LILRB5: variants seen among roughly 807,000 people sequenced by gnomAD.
LILRB5 encodes leukocyte immunoglobulin-like receptor subfamily B member 5.
A neutral mutation model predicts 68.4 loss-of-function variants in LILRB5; 61 were observed. The observed-to-expected ratio is 0.89, with a 90% CI of 0.73 to 1.10. The LOEUF (loss-of-function observed/expected upper bound fraction) is 1.10. LILRB5 is among the 50% of genes least tolerant of loss of function. The probability of loss-of-function intolerance (pLI) is 0.00; values close to 1 mark genes in which losing one functional copy is unlikely to be tolerated. For missense variants in LILRB5, 771 were observed against 751.6 expected (o/e 1.03, Z -0.30); for synonymous variants, 356 against 315.8 (o/e 1.13, Z -1.35).
At chr19:54,256,864 T>G in intron 2 of LILRB5, 91 bp from the exon 3 acceptor site, 1 of 1,608,232 alleles carries the variant, frequency 6.2e-7, no homozygotes. Context: ...TCCCCATCAG[T>G]CAGCCCAGAA....
intron 5 of LILRB5, 53 bp downstream of exon 5, chr19:54,255,233 G>C: frequency 7.1e-7 from 1 of 1,411,188 alleles, no homozygotes; most frequent in Non-Finnish European, 9.5e-7. Context: ...GGATTCCCCC[G>C]GCAGGACCTG....
chr19:54,256,873 A>T, intron 2 of LILRB5, 88 bp downstream of exon 2: 1 of 1,610,742 alleles, frequency 6.2e-7, no homozygotes, highest in South Asian at 1.1e-5. Context: ...GTCAGCCCAG[A>T]ACAGCTATCT....
rs533519614 is a variant in LILRB5, at chr19:54,251,761, G to A, written c.1629+293C>T. On this transcript the variant is annotated intron_variant, in intron 12 of 12. Coordinates refer to ENST00000449561, the MANE Select transcript of LILRB5 (RefSeq NM_001081442.3). Reference sequence around the variant, plus strand: ...TGGTTGAATGAATGAAGGGGAGCCTGGGGGACCGGGTCGGTTCATTTATTC... The same window carrying A: ...TGGTTGAATGAATGAAGGGGAGCCTAGGGGACCGGGTCGGTTCATTTATTC... 3.6e-3 allele frequency: 2,413 copies of A among 664,072 alleles called. 17 individuals carry two copies. The highest frequency in any genetic ancestry group is 0.019 in the African/African-American group (1,092 of 56,098). The allele number at this position is 664,072 out of a possible 1,614,324, so 41.1% of individuals were successfully genotyped here.
intron 4 of LILRB5, 119 bp from the exon 5 acceptor site, chr19:54,255,701 CCCGGGGCCTCCTTCTCA>C: frequency 8.1e-7 from 1 of 1,237,310 alleles, no homozygotes; most frequent in East Asian, 2.6e-5. Context: ...TGTCTCGGAT[CCCGGGGCCTCCTTCTCA>C]CCTGGGTCTG....
chr19:54,253,522 C>T (rs554868522), intron 8 of LILRB5: 19 of 302,334 alleles, frequency 6.3e-5, no homozygotes, highest in South Asian at 1.8e-4. Flanking sequence ...AGCAGGAGGA[C>T]GGTGCCCCTG....
intron 7 of LILRB5, 44 bp from the exon 8 acceptor site, chr19:54,254,112 C>G (rs779725229): frequency 6.4e-7 from 1 of 1,569,618 alleles, no homozygotes; most frequent in South Asian, 1.2e-5. Context: ...GCCCTGCTCC[C>G]CACATCAGCC....
Position 54,252,065 on chromosome 19 carries a change from T to A in LILRB5, c.1618A>T (p.Met540Leu). The change falls in exon 12 of 13, where the codon ATG becomes TTG. Residue 540 changes from methionine to leucine, a missense_variant. By Grantham distance (15) the Met-to-Leu change is conservative. Transcript: ENST00000449561. ...KDTQPKDGVE[M>L]DAPAAASEAP... ...GGGCGGGGCCTCACCGGAGCATCCA[T>A]CTCCACCCCGTCCTTGGGCTGTGTG... 2 of 1,613,932 alleles carry A rather than the reference T, an allele frequency of 1.2e-6. No individual in the cohort carries two copies. The highest frequency in any genetic ancestry group is 1.1e-5 in the South Asian group (1 of 91,066).
chr19:54,252,227 C>T (rs567780038), intron 11 of LILRB5, 121 bp from the exon 12 acceptor site: 3 of 1,449,274 alleles, frequency 2.1e-6, no homozygotes, highest in African/African-American at 1.4e-5. Context: ...TGTGATGTCC[C>T]TGAGGTCCCA....
At position 54,256,065 on chromosome 19, in the gene LILRB5, G is replaced by T. The variant is rs1280318808; in HGVS notation, c.633C>A (p.Asp211Glu). The change falls in exon 4 of 13, where the codon GAC becomes GAA. Residue 211 changes from aspartate (D) to glutamate (E), a missense_variant. By Grantham distance (45) the Asp-to-Glu change is conservative. Coordinates refer to ENST00000449561, the MANE Select transcript of LILRB5 (RefSeq NM_001081442.3). ...CACCTGGGACCAGAATCTCCAGGAGGTCACTGGGGTTCGACCACACCTGAG... is the reference window on the plus strand; with the variant it reads ...CACCTGGGACCAGAATCTCCAGGAGTTCACTGGGGTTCGACCACACCTGAG... Reference protein sequence around the residue: ...KNPQVWSNPSDLLEILVPGVS... With the variant: ...KNPQVWSNPSELLEILVPGVS... 3.9e-6 allele frequency: 6 copies of T among 1,551,810 alleles called. No individual in the cohort carries two copies. In the African/African-American group the frequency reaches 6.9e-5, roughly 18 times the overall value.
In LILRB5 at chr19:54,255,498, T is replaced by G. The variant is rs12975366; in HGVS notation, c.740A>C (p.Asp247Ala). Residue 247 changes from aspartate to alanine, a missense_variant, in exon 5 of 13, where the codon GAT becomes GCT. Coordinates refer to ENST00000449561, the MANE Select transcript of LILRB5 (RefSeq NM_001081442.3). ...CAGAACGAATATGTCATAGCCGACA[T>G]CAGAGCGACACTGCAGGGTCAGGCT... ...GGSLTLQCRSDVGYDIFVLYK... is the reference protein window; with the variant it reads ...GGSLTLQCRSAVGYDIFVLYK... 14 of 1,613,638 alleles carry G rather than the reference T, an allele frequency of 8.7e-6. No homozygotes were observed. Among genetic ancestry groups the G allele is most frequent in the African/African-American group, 1.3e-5 (1 of 74,814 alleles).
At chr19:54,254,451 G>A (rs772206716) in intron 6 of LILRB5, 36 bp from the exon 7 acceptor site, 30 of 1,552,362 alleles carry the variant, frequency 1.9e-5, no homozygotes. Flanking sequence ...GAGGCGCTTT[G>A]GTGCTGAGTG....
In LILRB5 at chr19:54,255,415, G is replaced by C. The variant is rs758397483; in HGVS notation, c.823C>G (p.Leu275Val). 1 of 1,614,130 alleles carries C rather than the reference G, an allele frequency of 6.2e-7. No individual in the cohort carries two copies. Among genetic ancestry groups the C allele is most frequent in the African/African-American group, 1.3e-5 (1 of 75,046 alleles). The change falls in exon 5 of 13, where the codon CTC becomes GTC. Residue 275 changes from leucine (L) to valine (V), a missense_variant. By Grantham distance (32) the Leu-to-Val change is conservative (BLOSUM62 1). Transcript: ENST00000449561. ...CCCAGGGTGAAGTTGGCCTGGGAGA[G>C]CCCAGCCTGGGGCTGCTGGCCAGAG... ...QGSGQQPQAG[L>V]SQANFTLGPV...
intron 6 of LILRB5, 109 bp downstream of exon 6, chr19:54,254,626 C>T (rs775665883): frequency 4.9e-6 from 7 of 1,433,764 alleles, no homozygotes; most frequent in South Asian, 1.2e-5. Context: ...CTGAGCCCCC[C>T]TCAAACCCTC....
At chr19:54,255,098 A>G in intron 5 of LILRB5, 61 bp from the exon 6 acceptor site, 1 of 1,522,386 alleles carries the variant, frequency 6.6e-7, no homozygotes, top group Non-Finnish European at 8.8e-7. Context: ...AGACCTCCCC[A>G]GGCCTCTCTA....
intron 4 of LILRB5, 49 bp from the exon 5 acceptor site, chr19:54,255,631 C>T (rs997991535): frequency 6.4e-7 from 1 of 1,566,052 alleles, no homozygotes; most frequent in South Asian, 1.2e-5. Context: ...CCTCCCCCGC[C>T]CCTTCCTTCT....
intron 8 of LILRB5, 180 bp downstream of exon 8, chr19:54,253,838 C>G (rs2079033680): frequency 6.7e-7 from 1 of 1,495,010 alleles, no homozygotes; most frequent in Non-Finnish European, 9.0e-7. Context: ...TGGGACAGGA[C>G]AGTCCCCTGA....
At chr19:54,254,138 C>G (rs2079044455) in intron 7 of LILRB5, 70 bp from the exon 8 acceptor site, 11 of 1,547,192 alleles carry the variant, frequency 7.1e-6, no homozygotes, top group South Asian at 2.4e-5. Context: ...GCTCCTCCCC[C>G]AGGCTGGGCC....
At chr19:54,252,602 C>G in intron 9 of LILRB5, 53 bp from the exon 10 acceptor site, 1 of 1,594,400 alleles carries the variant, frequency 6.3e-7, no homozygotes, top group Non-Finnish European at 8.6e-7. Context: ...ACCAGCTGCC[C>G]TGCACACACA....
Position 54,250,477 on chromosome 19 carries a change from G to T in LILRB5, c.*309C>A, listed in dbSNP as rs147459562. Reference sequence around the variant, plus strand: ...TTCATTCGCTCATTTGTAGTTTTCCGATTTCATCATTTAATGTGTAATATT... The same window carrying T: ...TTCATTCGCTCATTTGTAGTTTTCCTATTTCATCATTTAATGTGTAATATT... On this transcript the variant is annotated 3_prime_UTR_variant, in exon 13 of 13. Transcript: ENST00000449561. 2.7e-3 allele frequency: 905 copies of T among 338,980 alleles called. 5 individuals are homozygous for T. Among genetic ancestry groups the T allele is most frequent in the Non-Finnish European group, 3.5e-3 (659 of 187,270 alleles). 21.0% of individuals were successfully genotyped at this position (338,980 alleles called of 1,614,324 possible).
Sources: allele counts gnomAD v4.1 joint callset, GRCh38; gene constraint gnomAD v4.1.1; transcripts MANE v1.5; gene names NCBI Gene and HGNC (gene_info 2026-07-23, HGNC 2026-07-21).